CAP2: variants seen among roughly 807,000 people sequenced by gnomAD.
The protein encoded by CAP2 is cyclase associated actin cytoskeleton regulatory protein 2.
CAP2 carries 24 observed loss-of-function variants against 57.7 expected under a neutral mutation model. The observed-to-expected ratio is 0.42, with a 90% CI of 0.30 to 0.58. The LOEUF is 0.58. Among genes scored for constraint, CAP2 ranks in the 20% least tolerant of loss-of-function variants. The pLI is 0.22. For missense variants in CAP2, 501 were observed against 590.3 expected (o/e 0.85, Z 1.57); for synonymous variants, 194 against 207.2 (o/e 0.94, Z 0.55).
At chr6:17,514,411 A>G (rs1037086033) in intron 7 of CAP2, among the ~76,000 whole-genome samples, 1 of 151,808 alleles carries the variant, frequency 6.6e-6, no homozygotes, top group African/African-American at 2.4e-5. Context: ...TTGTTGTAGG[A>G]GAAATTTCGG....
intron 3 of CAP2, among the ~76,000 whole-genome samples, chr6:17,461,720 T>C (rs1191232790): frequency 1.3e-5 from 2 of 151,298 alleles, no homozygotes; most frequent in Non-Finnish European, 1.5e-5. Context: ...AGGCCAGGCG[T>C]GGTGGCTCAC....
rs565140002 is a variant in CAP2 at position 17,539,582 on chromosome 6, G to A, written c.826+124G>A. The A allele has an allele frequency of 5.1e-5, 37 of 724,104 alleles. No homozygotes were observed. In the East Asian group the frequency reaches 9.2e-4, roughly 18 times the overall value. 44.9% of individuals were successfully genotyped at this position (724,104 alleles called of 1,614,324 possible). A position where few individuals can be genotyped will look rare whatever the true frequency, so the allele number is the denominator to read the frequency against. On this transcript the variant is annotated intron_variant, in intron 8 of 12. Transcript: ENST00000229922. ...TCCCTGCCTCCAGCATGCAGGGAGA[G>A]GGGGAACTGGTGCTGGGAAGACAGG...
intron 6 of CAP2, among the ~76,000 whole-genome samples, chr6:17,508,199 A>T (rs556107130): frequency 2.6e-5 from 4 of 152,330 alleles, no homozygotes; most frequent in Middle Eastern, 3.4e-3. Context: ...ATGAAATACA[A>T]CTGGGGTGTA....
At chr6:17,507,102 C>T (rs1488790073) in intron 4 of CAP2, 67 bp from the exon 5 acceptor site, 2 of 1,552,052 alleles carry the variant, frequency 1.3e-6, no homozygotes, top group Admixed American at 1.7e-5. Flanking sequence ...CTTAGGCCAA[C>T]ATGGATAGAG....
At chr6:17,511,184 A>T (rs1189754794) in intron 6 of CAP2, among the ~76,000 whole-genome samples, 1 of 152,028 alleles carries the variant, frequency 6.6e-6, no homozygotes, top group South Asian at 2.1e-4. Flanking sequence ...TAGTCAAAGC[A>T]CTCCCAGGTC....
intron 3 of CAP2, among the ~76,000 whole-genome samples, chr6:17,452,703 A>G (rs1760444690): frequency 6.6e-6 from 1 of 152,200 alleles, no homozygotes; most frequent in Non-Finnish European, 1.5e-5. Context: ...TATTTTTCAT[A>G]AGCAGAAGCA....
intron 3 of CAP2, among the ~76,000 whole-genome samples, chr6:17,452,295 C>T (rs1760427038): frequency 6.6e-6 from 1 of 152,206 alleles, no homozygotes; most frequent in Admixed American, 6.5e-5. Flanking sequence ...TAACTCTTCG[C>T]GTTAGACTGT....
chr6:17,432,830 C>T (rs1402659199), intron 3 of CAP2, among the ~76,000 whole-genome samples: 2 of 149,948 alleles, frequency 1.3e-5, no homozygotes, highest in Admixed American at 6.7e-5. Flanking sequence ...CTTTCCTTCC[C>T]TACTTCCTTC....
At chr6:17,460,869 T>A (rs1393817883) in intron 3 of CAP2, among the ~76,000 whole-genome samples, 1 of 152,200 alleles carries the variant, frequency 6.6e-6, no homozygotes, top group Non-Finnish European at 1.5e-5. Flanking sequence ...TAATCTTTGC[T>A]GGGTGTGGTG....
At chr6:17,438,345 G>A (rs79115248) in intron 3 of CAP2, among the ~76,000 whole-genome samples, 4 of 82,420 alleles carry the variant, frequency 4.9e-5, no homozygotes, top group East Asian at 1.6e-3. Context: ...CAACCTGGGC[G>A]AAAGAACGAG....
Position 17,443,574 on chromosome 6 carries a change from GACAC to G in CAP2, c.222+16901_222+16904del, listed in dbSNP as rs3075206. Among the ~76,000 whole-genome samples, 6 of 150,136 alleles carry G rather than the reference GACAC, an allele frequency of 4.0e-5. No individual in the cohort carries two copies. In the South Asian group the frequency reaches 8.5e-4, roughly 21 times the overall value. ...TGCACCCATTCCCACAAAACACACA[GACAC>G]ACACACACACACACACGTGCGCACG... On this transcript the variant is annotated intron_variant, in intron 3 of 12. Transcript: ENST00000229922.
chr6:17,483,089 A>G (rs1037335888), intron 4 of CAP2, among the ~76,000 whole-genome samples: 10 of 152,228 alleles, frequency 6.6e-5, no homozygotes, highest in Admixed American at 5.9e-4. Flanking sequence ...GGAGAGTTCC[A>G]GGCCCATTTG....
intron 12 of CAP2, among the ~76,000 whole-genome samples, chr6:17,552,565 G>A (rs1290012809): frequency 6.6e-6 from 1 of 152,220 alleles, no homozygotes; most frequent in African/African-American, 2.4e-5. Flanking sequence ...CCGAGAGGCG[G>A]AGGTTGCAGT....
chr6:17,493,530 C>T (rs958664100), intron 4 of CAP2: 3 of 217,258 alleles, frequency 1.4e-5, no homozygotes, highest in African/African-American at 2.3e-5. Flanking sequence ...ACAAGTCAAC[C>T]CCAGGAGAGA....
rs1348717029 is a variant in CAP2, at chr6:17,393,868, AC to A, written c.-2+123del. 5 of 150,176 alleles carry A rather than the reference AC, an allele frequency of 3.3e-5. 1 individual carries two copies. In the East Asian group the frequency reaches 1.0e-3, roughly 30 times the overall value. The allele number at this position is 150,176 out of a possible 1,614,324, so 9.3% of individuals were successfully genotyped here. ...TGGGTGGGGTAGGGAAGCGGCCGGG[AC>A]GCTGCGGCTGTGGCAGCAGCGCGAG... On this transcript the variant is annotated intron_variant, in intron 1 of 12. Transcript: ENST00000229922.
intron 4 of CAP2, among the ~76,000 whole-genome samples, chr6:17,497,132 A>G (rs951953718): frequency 6.6e-6 from 1 of 152,234 alleles, no homozygotes; most frequent in Non-Finnish European, 1.5e-5. Context: ...ATTTCAAAGA[A>G]CTAATTTCTG....
intron 3 of CAP2, among the ~76,000 whole-genome samples, chr6:17,438,548 C>T (rs1261302636): frequency 9.4e-5 from 13 of 137,768 alleles, no homozygotes; most frequent in African/African-American, 1.7e-4. Context: ...ATGCCATTCT[C>T]CTGTCTCAGC....
rs147778158 is a variant in CAP2 at position 17,440,531 on chromosome 6, A to G, written c.222+13841A>G. Among the ~76,000 whole-genome samples, 187 of 151,422 alleles carry G rather than the reference A, an allele frequency of 1.2e-3. 1 individual carries two copies. Among genetic ancestry groups the G allele is most frequent in the Non-Finnish European group, 2.3e-3 (157 of 67,994 alleles). The stretch of plus-strand genomic sequence containing the variant: ...TTACCTTTAAGACAGTATTTTAAAA[A>G]TGTTGACAGAGGCTTATCTTTTAGC... On this transcript the variant is annotated intron_variant, in intron 3 of 12. Transcript: ENST00000229922.
chr6:17,557,606 A>G lies in CAP2; in HGVS notation c.*1164A>G, dbSNP rs563008723. 5 of 152,302 alleles carry G rather than the reference A, an allele frequency of 3.3e-5. No homozygotes were observed. In the East Asian group the frequency reaches 9.6e-4, roughly 29 times the overall value. 9.4% of individuals were successfully genotyped at this position (152,302 alleles called of 1,614,324 possible). A position where few individuals can be genotyped will look rare whatever the true frequency, so the allele number is the denominator to read the frequency against. Reference sequence around the variant, plus strand: ...GTGCCTCTTACAGCCTTTGGAATACATTGTTTCCATTTTTTAAATATCTTC... The same window carrying G: ...GTGCCTCTTACAGCCTTTGGAATACGTTGTTTCCATTTTTTAAATATCTTC... On this transcript the variant is annotated 3_prime_UTR_variant, in exon 13 of 13. Transcript: ENST00000229922.
Sources: gnomAD v4.1 joint callset for allele counts (sites outside exome capture counted in the v4.1 genomes callset) on GRCh38, gnomAD v4.1.1 for gene constraint, MANE v1.5 for transcripts, NCBI Gene and HGNC (gene_info 2026-07-23, HGNC 2026-07-21) for gene names.